Variants in RBM47 observed in about 807,000 individuals in gnomAD.
RBM47 encodes the protein RNA binding motif protein 47.
Under a neutral mutation model 47.1 loss-of-function variants are expected in RBM47, and 21 were observed. That is an observed-to-expected ratio of 0.45 (90% confidence interval 0.32 to 0.64). The LOEUF is 0.64. RBM47 is among the 30% of genes least tolerant of loss of function. The pLI, the probability that RBM47 is intolerant of heterozygous loss-of-function variation, is 0.05. For synonymous variants in RBM47, 375 were observed against 361.7 expected (o/e 1.04, Z -0.42); for missense variants, 708 against 870.9 (o/e 0.81, Z 2.35).
chr4:40,429,794 T>C (rs889675362), intron 6 of RBM47, among the ~76,000 whole-genome samples: 1 of 149,000 alleles, frequency 6.7e-6, no homozygotes, highest in Non-Finnish European at 1.5e-5. Context: ...GCTCTAACTA[T>C]ACCAAGAGGT....
At chr4:40,443,870 C>T (rs1240237237) in intron 3 of RBM47, among the ~76,000 whole-genome samples, 4 of 151,468 alleles carry the variant, frequency 2.6e-5, no homozygotes, top group Non-Finnish European at 1.5e-5. Flanking sequence ...CTACTCTACT[C>T]AATGAATTCA....
chr4:40,468,120 C>T (rs143381784), intron 2 of RBM47, among the ~76,000 whole-genome samples: 9 of 152,082 alleles, frequency 5.9e-5, no homozygotes, highest in South Asian at 4.1e-4. Flanking sequence ...ACCCTGTTAC[C>T]GCTAAAAATA....
intron 1 of RBM47, among the ~76,000 whole-genome samples, chr4:40,619,854 G>C (rs1188948986): frequency 6.6e-6 from 1 of 152,142 alleles, no homozygotes; most frequent in African/African-American, 2.4e-5. Flanking sequence ...TCACCACTGG[G>C]TACTTCGTAT....
At chr4:40,477,582 A>G (rs973334090) in intron 2 of RBM47, among the ~76,000 whole-genome samples, 5 of 152,196 alleles carry the variant, frequency 3.3e-5, no homozygotes, top group African/African-American at 7.2e-5. Context: ...AGCATTAGAG[A>G]GTATTCTGAG....
chr4:40,626,294 G>C (rs2154282451), intron 1 of RBM47, among the ~76,000 whole-genome samples: 1 of 152,332 alleles, frequency 6.6e-6, no homozygotes, highest in African/African-American at 2.4e-5. Flanking sequence ...GCAGACAGTG[G>C]GAGTATGGTT....
intron 1 of RBM47, among the ~76,000 whole-genome samples, chr4:40,546,492 A>G (rs1479111738): frequency 1.3e-5 from 2 of 152,218 alleles, no homozygotes; most frequent in Non-Finnish European, 2.9e-5. Flanking sequence ...TGTTCCACCA[A>G]GAATAAATAA....
chr4:40,443,303 T>A (rs1436921683), intron 3 of RBM47, among the ~76,000 whole-genome samples: 1 of 151,882 alleles, frequency 6.6e-6, no homozygotes, highest in East Asian at 1.9e-4. Context: ...AATGGTAAAA[T>A]GTTATGTATA....
chr4:40,561,007 C>T (rs975317426), intron 1 of RBM47, among the ~76,000 whole-genome samples: 1 of 151,710 alleles, frequency 6.6e-6, no homozygotes, highest in Non-Finnish European at 1.5e-5. Context: ...TTTTCTCTCA[C>T]TATTTCCCAC....
intron 1 of RBM47, among the ~76,000 whole-genome samples, chr4:40,544,966 G>A (rs560885041): frequency 9.2e-5 from 14 of 151,900 alleles, no homozygotes; most frequent in South Asian, 4.2e-4. Context: ...GAGCTGAGGC[G>A]AGAGGATCAC....
chr4:40,616,587 G>A (rs1736756298), intron 1 of RBM47, among the ~76,000 whole-genome samples: 1 of 152,030 alleles, frequency 6.6e-6, no homozygotes, highest in African/African-American at 2.4e-5. Flanking sequence ...TTAGGTACTA[G>A]AAACTCAAAA....
At chr4:40,547,826 A>G (rs1729173638) in intron 1 of RBM47, among the ~76,000 whole-genome samples, 1 of 152,218 alleles carries the variant, frequency 6.6e-6, no homozygotes, top group Non-Finnish European at 1.5e-5. Flanking sequence ...CCTGAGCTAA[A>G]CCATTACAGT....
intron 2 of RBM47, among the ~76,000 whole-genome samples, chr4:40,532,817 A>G (rs764425904): frequency 3.6e-4 from 55 of 152,126 alleles, no homozygotes; most frequent in Non-Finnish European, 5.0e-4. Flanking sequence ...TCACATATAA[A>G]TAGAAGTAGT....
chr4:40,602,762 A>T (rs949737541), intron 1 of RBM47, among the ~76,000 whole-genome samples: 1 of 151,094 alleles, frequency 6.6e-6, no homozygotes, highest in Admixed American at 6.6e-5. Context: ...TTATTTTTTT[A>T]TTAAGTCAGC....
intron 1 of RBM47, among the ~76,000 whole-genome samples, chr4:40,594,772 C>A (rs1734601818): frequency 6.6e-6 from 1 of 152,234 alleles, no homozygotes; most frequent in Non-Finnish European, 1.5e-5. Context: ...TGTCTCCCTC[C>A]TTTCCACTCC....
chr4:40,517,840 A>G (rs1725765406), intron 2 of RBM47, among the ~76,000 whole-genome samples: 1 of 152,230 alleles, frequency 6.6e-6, no homozygotes, highest in African/African-American at 2.4e-5. Flanking sequence ...CCATTGGATT[A>G]GGTATTCTAA....
At position 40,468,375 on chromosome 4, in the gene RBM47, G is replaced by A. The variant is rs766018085; in HGVS notation, c.-154-1676C>T. Among the ~76,000 whole-genome samples, 160 of 152,038 alleles carry A rather than the reference G, an allele frequency of 1.1e-3. 3 individuals carry two copies. Among genetic ancestry groups the A allele is most frequent in the Non-Finnish European group, 2.6e-4 (18 of 67,996 alleles). On this transcript the variant is annotated intron_variant, in intron 2 of 6. Transcript: ENST00000295971. ...AAAAAATTGTGTTTGTTTTTTCTTTGTGTTTTAGTTGTAGCACACTTTTTT... is the reference window on the plus strand; with the variant it reads ...AAAAAATTGTGTTTGTTTTTTCTTTATGTTTTAGTTGTAGCACACTTTTTT...
At chr4:40,624,964 C>T (rs964309222) in intron 1 of RBM47, among the ~76,000 whole-genome samples, 9 of 146,512 alleles carry the variant, frequency 6.1e-5, no homozygotes, top group Middle Eastern at 3.4e-3. Context: ...ATTCTCCTGC[C>T]TCAGCCTCCC....
At chr4:40,626,324 T>C (rs567971152) in intron 1 of RBM47, among the ~76,000 whole-genome samples, 56 of 152,370 alleles carry the variant, frequency 3.7e-4, no homozygotes, top group Non-Finnish European at 5.4e-4. Context: ...GTGCCTTTTG[T>C]AATCAGTTTA....
At chr4:40,444,945 C>T (rs893980428) in intron 3 of RBM47, among the ~76,000 whole-genome samples, 1 of 151,562 alleles carries the variant, frequency 6.6e-6, no homozygotes, top group African/African-American at 2.4e-5. Flanking sequence ...AGGTGTGAGC[C>T]ACTGTGCCCG....
Sources: gnomAD v4.1 joint callset for allele counts (sites outside exome capture counted in the v4.1 genomes callset) on GRCh38, gnomAD v4.1.1 for gene constraint, MANE v1.5 for transcripts, NCBI Gene and HGNC (gene_info 2026-07-23, HGNC 2026-07-21) for gene names.